ARMH1: variants seen among roughly 807,000 people sequenced by gnomAD.
ARMH1 encodes the protein armadillo-like helical domain containing protein 1.
A neutral mutation model predicts 50.2 loss-of-function variants in ARMH1; 34 were observed. The ratio of observed to expected loss-of-function variants is 0.68; its 90% CI spans 0.51 to 0.90. ARMH1 has a LOEUF of 0.90. Among genes scored for constraint, ARMH1 ranks in the 40% least tolerant of loss-of-function variants. The pLI is 0.00. For synonymous variants in ARMH1, 221 were observed against 224.2 expected (o/e 0.99, Z 0.13); for missense variants, 538 against 553.9 (o/e 0.97, Z 0.29).
chr1:44,721,571 AC>A (rs1298728354), intron 6 of ARMH1, among the ~76,000 whole-genome samples: 2 of 152,180 alleles, frequency 1.3e-5, no homozygotes, highest in African/African-American at 4.8e-5. Flanking sequence ...AGCTAAAAAA[AC>A]ATGACAGTAG....
chr1:44,691,163 C>T (rs1349227309), intron 2 of ARMH1, among the ~76,000 whole-genome samples: 1 of 151,976 alleles, frequency 6.6e-6, no homozygotes, highest in Non-Finnish European at 1.5e-5. Context: ...GAGGCTGAGG[C>T]AGGAGAATCA....
At chr1:44,704,055 A>G in intron 5 of ARMH1, 34 bp from the exon 6 acceptor site, 2 of 1,495,520 alleles carry the variant, frequency 1.3e-6, no homozygotes, top group African/African-American at 1.4e-5. Context: ...AAAAAAAAAG[A>G]CTAACCACCT....
At position 44,724,497 on chromosome 1, in the gene ARMH1, G is replaced by A. The variant is rs1167375851; in HGVS notation, c.921-42G>A. On this transcript the variant is annotated intron_variant, in intron 8 of 11. Coordinates refer to ENST00000535358, the MANE Select transcript of ARMH1 (RefSeq NM_001145636.2). The surrounding 1 kb of genome is among the most constrained non-coding windows in gnomAD (Gnocchi z 6.4). ...CCGGGTGGGCGGGGGTGTGCGCCGG[G>A]TGAGCCCCAGGGCGTCGCCCCAGCC... 47 of 1,512,144 alleles carry A rather than the reference G, an allele frequency of 3.1e-5. No individual in the cohort carries two copies. The highest frequency in any genetic ancestry group is 3.9e-5 in the Non-Finnish European group (44 of 1,133,648). The allele number at this position is 1,512,144 out of a possible 1,614,324, so 93.7% of individuals were successfully genotyped here.
At chr1:44,709,952 A>G (rs543455345) in intron 6 of ARMH1, among the ~76,000 whole-genome samples, 2 of 152,292 alleles carry the variant, frequency 1.3e-5, no homozygotes, top group South Asian at 2.1e-4. Context: ...ATTTTTGTCT[A>G]CTTGACCTAG....
intron 6 of ARMH1, chr1:44,721,886 A>G (rs139940889): frequency 3.9e-5 from 6 of 152,174 alleles, no homozygotes; most frequent in African/African-American, 9.7e-5. Flanking sequence ...ATTCGTTATG[A>G]AGAGAAACCA....
chr1:44,721,908 G>A (rs543867979), intron 6 of ARMH1: 11 of 152,318 alleles, frequency 7.2e-5, no homozygotes, highest in South Asian at 6.2e-4. Flanking sequence ...AGATCTGCCT[G>A]TTAGCCTTTT....
chr1:44,723,439 C>T (rs1647703674), intron 6 of ARMH1, among the ~76,000 whole-genome samples: 1 of 152,190 alleles, frequency 6.6e-6, no homozygotes, highest in Non-Finnish European at 1.5e-5. Flanking sequence ...GAAAGCCCTG[C>T]AGGAAATGCC....
rs1645366730 is a variant in ARMH1 at position 44,683,172 on chromosome 1, G to T, written c.-22-6504G>T. On this transcript the variant is annotated intron_variant, in intron 1 of 11. Coordinates refer to ENST00000535358, the MANE Select transcript of ARMH1 (RefSeq NM_001145636.2). The surrounding 1 kb of genome is among the most constrained non-coding windows in gnomAD (Gnocchi z 4.2). The stretch of plus-strand genomic sequence containing the variant: ...GGGCAAGGGAGAGGAATAAGTCAAA[G>T]ACAACTTTTGGCTGACTAGGAGGGT... Among the ~76,000 whole-genome samples, 1 of 152,210 alleles carries T rather than the reference G, an allele frequency of 6.6e-6. No individual in the cohort carries two copies. Among genetic ancestry groups the T allele is most frequent in the Non-Finnish European group, 1.5e-5 (1 of 68,040 alleles).
Position 44,724,748 on chromosome 1 carries a change from C to A in ARMH1, c.1051-14C>A. The A allele has an allele frequency of 6.5e-7, 1 of 1,527,182 alleles. No individual in the cohort carries two copies. The highest frequency in any genetic ancestry group is 1.2e-5 in the South Asian group (1 of 82,080). 94.6% of individuals were successfully genotyped at this position (1,527,182 alleles called of 1,614,324 possible). On this transcript the variant is annotated splice_polypyrimidine_tract_variant and intron_variant, in intron 9 of 11. Transcript: ENST00000535358. This position sits in a 1 kb window ranked among gnomAD's most constrained non-coding sequence, Gnocchi z 6.4. The stretch of plus-strand genomic sequence containing the variant: ...TCGCCCCCGCAGTCACGCCGCCTCG[C>A]CCGCGCGGCGCAGTGCTTCGTGCAG...
At chr1:44,722,673 G>A (rs985110900) in intron 6 of ARMH1, among the ~76,000 whole-genome samples, 1 of 151,950 alleles carries the variant, frequency 6.6e-6, no homozygotes, top group Non-Finnish European at 1.5e-5. Context: ...GAACCCGGGA[G>A]GCAGAGGTTG....
intron 6 of ARMH1, among the ~76,000 whole-genome samples, chr1:44,707,009 C>G (rs773651906): frequency 6.6e-6 from 1 of 152,148 alleles, no homozygotes; most frequent in African/African-American, 2.4e-5. Context: ...TAAGCATTGA[C>G]TCCCTAAGCC....
Position 44,677,388 on chromosome 1 carries a change from G to A in ARMH1, c.-23+2515G>A, listed in dbSNP as rs112641209. Among the ~76,000 whole-genome samples, 242 of 152,262 alleles carry A rather than the reference G, an allele frequency of 1.6e-3. 1 individual carries two copies. The highest frequency in any genetic ancestry group is 5.5e-3 in the African/African-American group (229 of 41,528). On this transcript the variant is annotated intron_variant, in intron 1 of 11. Coordinates refer to ENST00000535358, the MANE Select transcript of ARMH1 (RefSeq NM_001145636.2). ...GATCTAGGTTTGGGTTTTACCAGGC[G>A]GATACAATGGAAGGACAAAGGACAA...
At chr1:44,712,557 A>G (rs937339481) in intron 6 of ARMH1, among the ~76,000 whole-genome samples, 8 of 147,108 alleles carry the variant, frequency 5.4e-5, no homozygotes, top group African/African-American at 2.0e-4. Context: ...AAAAAAAAAA[A>G]GGACAGACAA....
Position 44,689,796 on chromosome 1 carries a change from C to CA in ARMH1, c.101dup (p.Phe35ValfsTer3). On this transcript the variant is annotated frameshift_variant, in exon 2 of 12. Transcript: ENST00000535358. LOFTEE classifies it high-confidence loss of function. ...AAGTCGCAAGGAGTCACATCCTCGA[C>CA]AAGTTCATTGAAACCAACCAAGGCA... The CA allele has an allele frequency of 6.4e-7, 1 of 1,551,838 alleles. No individual in the cohort carries two copies. The highest frequency in any genetic ancestry group is 8.7e-7 in the Non-Finnish European group (1 of 1,147,034).
In ARMH1 at chr1:44,688,779, A is replaced by G. The variant is rs142506842; in HGVS notation, c.-22-897A>G. Among the ~76,000 whole-genome samples, 72 of 152,208 alleles carry G rather than the reference A, an allele frequency of 4.7e-4. 1 individual carries two copies. The East Asian group carries it at 9.5e-3, about 20-fold the overall frequency. On this transcript the variant is annotated intron_variant, in intron 1 of 11. Coordinates refer to ENST00000535358, the MANE Select transcript of ARMH1 (RefSeq NM_001145636.2). ...TTTTTGGAAAACAGGTTTATCTTAA[A>G]CCTTCCCTCCCCCCACTGAAAATAC... is the stretch of plus-strand genomic sequence containing the variant.
chr1:44,724,576 C>T lies in ARMH1; in HGVS notation c.958C>T (p.Leu320=). 1 of 1,517,136 alleles carries T rather than the reference C, an allele frequency of 6.6e-7. No homozygotes were observed. Among genetic ancestry groups the T allele is most frequent in the East Asian group, 2.7e-5 (1 of 37,660 alleles). The allele number at this position is 1,517,136 out of a possible 1,614,324, so 94.0% of individuals were successfully genotyped here. The change falls in exon 9 of 12, where the codon CTG becomes TTG. Residue 320 remains leucine (L), a synonymous_variant. Coordinates refer to ENST00000535358, the MANE Select transcript of ARMH1 (RefSeq NM_001145636.2). This position sits in a 1 kb window ranked among gnomAD's most constrained non-coding sequence, Gnocchi z 6.4. The stretch of plus-strand genomic sequence containing the variant: ...CAACGACATGAGCATCGCCGAGGAG[C>T]TGCTGTACCTGCGCGTGGTGCGTGG... The part of the protein sequence containing the change: ...ARNDMSIAEE[L]LYLRVVRGLM...
intron 6 of ARMH1, among the ~76,000 whole-genome samples, chr1:44,717,363 G>A (rs1404982922): frequency 6.6e-6 from 1 of 152,154 alleles, no homozygotes; most frequent in African/African-American, 2.4e-5. Flanking sequence ...GATCTCCCTT[G>A]CCTGGCCACA....
intron 6 of ARMH1, among the ~76,000 whole-genome samples, chr1:44,715,716 CACCT>C (rs1646822459): frequency 6.6e-6 from 1 of 152,192 alleles, no homozygotes; most frequent in Non-Finnish European, 1.5e-5. Flanking sequence ...CCCACCATCA[CACCT>C]GGCTAATTTT....
chr1:44,709,410 C>G (rs2983714), intron 6 of ARMH1, among the ~76,000 whole-genome samples: 4 of 152,000 alleles, frequency 2.6e-5, no homozygotes, highest in Non-Finnish European at 5.9e-5. Flanking sequence ...CGGTGGCTCA[C>G]GCCTTTAATC....
Sources: allele counts gnomAD v4.1 joint callset (sites outside exome capture counted in the v4.1 genomes callset), GRCh38; gene constraint gnomAD v4.1.1; non-coding constraint Gnocchi (gnomAD v3.1); transcripts MANE v1.5; gene names NCBI Gene and HGNC (gene_info 2026-07-23, HGNC 2026-07-21).